PSMA1: variants seen among roughly 807,000 people sequenced by gnomAD.
PSMA1 encodes the protein proteasome 20S subunit alpha 1, also known as proteasome subunit alpha type-1.
Under a neutral mutation model 38.4 loss-of-function variants are expected in PSMA1, and 3 were observed. The observed-to-expected ratio is 0.08, with a 90% CI of 0.04 to 0.20. The LOEUF is 0.20. Among genes scored for constraint, PSMA1 ranks in the 10% least tolerant of loss-of-function variants. The pLI is 1.00. For synonymous variants in PSMA1, 101 were observed against 107.1 expected (o/e 0.94, Z 0.35); for missense variants, 227 against 325.3 (o/e 0.70, Z 2.32).
intron 2 of PSMA1, among the ~76,000 whole-genome samples, chr11:14,528,052 C>T (rs1851605143): frequency 6.6e-6 from 1 of 151,868 alleles, no homozygotes; most frequent in African/African-American, 2.4e-5. Context: ...CAATTGCTGG[C>T]TTTGCATTTC....
At chr11:14,584,513 T>G (rs1007468361) in intron 2 of PSMA1, among the ~76,000 whole-genome samples, 81 of 147,190 alleles carry the variant, frequency 5.5e-4, no homozygotes, top group East Asian at 9.8e-4. Flanking sequence ...TTTTGTTTTT[T>G]TTTTTTTTTT....
chr11:14,611,604 G>C (rs770122164), intron 1 of PSMA1, among the ~76,000 whole-genome samples: 47 of 152,172 alleles, frequency 3.1e-4, no homozygotes, highest in Non-Finnish European at 6.2e-4. Context: ...AATACAGCCT[G>C]TCTCCGATAT....
intron 2 of PSMA1, among the ~76,000 whole-genome samples, chr11:14,526,889 A>G (rs930742456): frequency 3.3e-5 from 5 of 152,074 alleles, no homozygotes; most frequent in East Asian, 3.8e-4. Flanking sequence ...TTCCACATCT[A>G]TCACTGAGGC....
chr11:14,539,361 G>A (rs1390844167), intron 2 of PSMA1, among the ~76,000 whole-genome samples: 2 of 151,926 alleles, frequency 1.3e-5, no homozygotes, highest in African/African-American at 4.8e-5. Context: ...ACTTTACACA[G>A]AGTTGATTAG....
intron 1 of PSMA1, among the ~76,000 whole-genome samples, chr11:14,616,801 T>C: frequency 6.6e-6 from 1 of 152,066 alleles, no homozygotes. Flanking sequence ...TGACCCAAAG[T>C]CTCATGGCTA....
intron 2 of PSMA1, among the ~76,000 whole-genome samples, chr11:14,525,712 A>G (rs1851578481): frequency 6.6e-6 from 1 of 152,118 alleles, no homozygotes; most frequent in Non-Finnish European, 1.5e-5. Flanking sequence ...GATCTTAAAG[A>G]TGCTTTTTTC....
At chr11:14,514,591 T>C (rs1421996319) in intron 4 of PSMA1, 100 bp from the exon 5 acceptor site, 1 of 915,946 alleles carries the variant, frequency 1.1e-6, no homozygotes, top group Non-Finnish European at 1.5e-6. Flanking sequence ...AGCGTTTACA[T>C]GGATAACATC....
At position 14,505,174 on chromosome 11, in the gene PSMA1, T is replaced by C. The variant is rs769995263; in HGVS notation, c.*18A>G. 11 of 1,598,970 alleles carry C rather than the reference T, an allele frequency of 6.9e-6. No individual in the cohort carries two copies. The South Asian group carries it at 1.1e-4, about 16-fold the overall frequency. On this transcript the variant is annotated 3_prime_UTR_variant, in exon 10 of 10. Transcript: ENST00000396394. ...ATTCTTACATATTTGATAATACATA[T>C]ATAGACTGGCTTATCACTTAATGTT... is the stretch of plus-strand genomic sequence containing the variant.
intron 2 of PSMA1, among the ~76,000 whole-genome samples, chr11:14,591,237 C>T (rs1852410476): frequency 6.6e-6 from 1 of 152,214 alleles, no homozygotes; most frequent in African/African-American, 2.4e-5. Flanking sequence ...CTCTGGGTCC[C>T]CCAGCAGTGC....
At chr11:14,633,748 C>T (rs1424880534) in intron 1 of PSMA1, among the ~76,000 whole-genome samples, 1 of 152,180 alleles carries the variant, frequency 6.6e-6, no homozygotes, top group African/African-American at 2.4e-5. Context: ...TAACTGCCGC[C>T]TTGCAGTTTG....
intron 2 of PSMA1, among the ~76,000 whole-genome samples, chr11:14,589,421 ATG>A (rs1253104168): frequency 2.7e-5 from 4 of 150,156 alleles, no homozygotes; most frequent in African/African-American, 9.8e-5. Flanking sequence ...GTGTATATAT[ATG>A]TGTGTATATA....
rs189013799 is a variant in PSMA1 at position 14,513,732 on chromosome 11, T to C, written c.415-33A>G. 62 of 1,552,504 alleles carry C rather than the reference T, an allele frequency of 4.0e-5. No individual in the cohort carries two copies. The East Asian group carries it at 1.4e-3, about 34-fold the overall frequency. On this transcript the variant is annotated intron_variant, in intron 6 of 9. Coordinates refer to ENST00000396394, the MANE Select transcript of PSMA1 (RefSeq NM_002786.4). Reference sequence around the variant, plus strand: ...TAGAAATAAATACACCACATAATTATTTACTTTGGTTGAACTAAAAATTAT... The same window carrying C: ...TAGAAATAAATACACCACATAATTACTTACTTTGGTTGAACTAAAAATTAT...
intron 2 of PSMA1, among the ~76,000 whole-genome samples, chr11:14,578,164 G>T (rs1007950758): frequency 6.6e-6 from 1 of 152,092 alleles, no homozygotes; most frequent in African/African-American, 2.4e-5. Context: ...CATGGCAAGT[G>T]TATACCTTTG....
chr11:14,620,553 T>C (rs1189433575), intron 1 of PSMA1, among the ~76,000 whole-genome samples: 1 of 152,236 alleles, frequency 6.6e-6, no homozygotes, highest in Non-Finnish European at 1.5e-5. Flanking sequence ...ACTGACTTAC[T>C]GGAGGAATAA....
At chr11:14,609,855 G>A (rs1419328731) in intron 2 of PSMA1, among the ~76,000 whole-genome samples, 6 of 152,142 alleles carry the variant, frequency 3.9e-5, no homozygotes, top group Non-Finnish European at 7.4e-5. Flanking sequence ...GAATTAACAC[G>A]ATCACCTGGA....
At chr11:14,642,928 T>C (rs1243464527) in intron 1 of PSMA1, among the ~76,000 whole-genome samples, 1 of 152,086 alleles carries the variant, frequency 6.6e-6, no homozygotes, top group Non-Finnish European at 1.5e-5. Context: ...ATCTAGAAAG[T>C]GCTGTTACAG....
intron 2 of PSMA1, among the ~76,000 whole-genome samples, chr11:14,565,909 C>A (rs1390153869): frequency 1.3e-5 from 2 of 152,138 alleles, no homozygotes; most frequent in Admixed American, 6.5e-5. Context: ...GTCAGGCAAG[C>A]CTTCTGGAGA....
At chr11:14,629,648 C>A (rs1300521946) in intron 1 of PSMA1, among the ~76,000 whole-genome samples, 1 of 152,076 alleles carries the variant, frequency 6.6e-6, no homozygotes, top group African/African-American at 2.4e-5. Context: ...CTTGGTGATG[C>A]GGGCTCTTTT....
chr11:14,531,578 T>A (rs1172986210), intron 2 of PSMA1, among the ~76,000 whole-genome samples: 1 of 152,122 alleles, frequency 6.6e-6, no homozygotes, highest in African/African-American at 2.4e-5. Flanking sequence ...TCCCTCTACC[T>A]CAGCCTGAGT....
Sources: allele counts gnomAD v4.1 joint callset (sites outside exome capture counted in the v4.1 genomes callset), GRCh38; gene constraint gnomAD v4.1.1; transcripts MANE v1.5; gene names NCBI Gene and HGNC (gene_info 2026-07-23, HGNC 2026-07-21).